Variants in USP15 observed in about 807,000 individuals in gnomAD.
The protein encoded by USP15 is ubiquitin carboxyl-terminal hydrolase 15.
USP15 carries 18 observed loss-of-function variants against 127.1 expected under a neutral mutation model. That is an observed-to-expected ratio of 0.14 (90% CI 0.10 to 0.21). The LOEUF (loss-of-function observed/expected upper bound fraction) is 0.21, where lower values mean the gene tolerates loss of function less well. Ranked by LOEUF, USP15 falls within the 10% of genes least tolerant of loss-of-function variation. USP15 has a pLI of 1.00. For synonymous variants in USP15, 364 were observed against 393.7 expected, an observed-to-expected ratio of 0.92 and a Z score of 0.89; for missense variants, 805 against 1,159.9, an observed-to-expected ratio of 0.69 and a Z score of 4.44.
At chr12:62,269,270 G>A (rs1201189397) in intron 1 of USP15, among the ~76,000 whole-genome samples, 1 of 151,852 alleles carries the variant, frequency 6.6e-6, no homozygotes, top group African/African-American at 2.4e-5. Context: ...AAAAAAACCT[G>A]TACAACATGT....
At chr12:62,300,130 A>G (rs2064264643) in intron 2 of USP15, among the ~76,000 whole-genome samples, 1 of 151,996 alleles carries the variant, frequency 6.6e-6, no homozygotes, top group Non-Finnish European at 1.5e-5. Context: ...TGACCTTTGA[A>G]GCACAAAAGT....
intron 7 of USP15, among the ~76,000 whole-genome samples, chr12:62,351,544 G>C (rs1291831180): frequency 2.0e-5 from 3 of 151,844 alleles, no homozygotes; most frequent in Non-Finnish European, 4.4e-5. Context: ...TACCATATTG[G>C]TATGAGTGGT....
chr12:62,368,900 C>T (rs954920787), intron 8 of USP15, among the ~76,000 whole-genome samples: 5 of 152,116 alleles, frequency 3.3e-5, no homozygotes, highest in African/African-American at 1.2e-4. Context: ...TTCATAGTGT[C>T]AATGGTCTTT....
rs2067898470 is a variant in USP15, at chr12:62,407,246, C to T, written c.*2871C>T. ...ATCCCCATTTTTCATATGAAGAAACCAAGATACAAAGCATTTAAGTAATAT... is the reference window on the plus strand; with the variant it reads ...ATCCCCATTTTTCATATGAAGAAACTAAGATACAAAGCATTTAAGTAATAT... On this transcript the variant is annotated 3_prime_UTR_variant, in exon 22 of 22. Coordinates refer to ENST00000280377, the MANE Select transcript of USP15 (RefSeq NM_001252078.2). The T allele has an allele frequency of 6.6e-6, 1 of 152,080 alleles. No homozygotes were observed. Among genetic ancestry groups the T allele is most frequent in the Non-Finnish European group, 1.5e-5 (1 of 68,012 alleles). The allele number at this position is 152,080 out of a possible 1,614,324, so 9.4% of individuals were successfully genotyped here. A position where few individuals can be genotyped will look rare whatever the true frequency, so the allele number is the denominator to read the frequency against.
At chr12:62,385,295 T>G (rs930287458) in intron 11 of USP15, among the ~76,000 whole-genome samples, 5 of 151,914 alleles carry the variant, frequency 3.3e-5, no homozygotes, top group South Asian at 2.1e-4. Flanking sequence ...TTCTGTAAAT[T>G]TTTAGCCAAA....
At position 62,349,100 on chromosome 12, in the gene USP15, C is replaced by G. The variant is rs903320825; in HGVS notation, c.684-121C>G. The G allele has an allele frequency of 1.5e-5, 8 of 532,106 alleles. No homozygotes were observed. The African/African-American group carries it at 1.6e-4, about 10-fold the overall frequency. The allele number at this position is 532,106 out of a possible 1,614,324, so 33.0% of individuals were successfully genotyped here. On this transcript the variant is annotated intron_variant, in intron 6 of 21. Coordinates refer to ENST00000280377, the MANE Select transcript of USP15 (RefSeq NM_001252078.2). ...AAACCAAAGGATAATAGTGATTTTG[C>G]TCATAAATCTATTTTTCAGCATTCA...
chr12:62,382,275 A>G (rs1474842487), intron 9 of USP15, among the ~76,000 whole-genome samples: 1 of 151,486 alleles, frequency 6.6e-6, no homozygotes, highest in African/African-American at 2.4e-5. Flanking sequence ...TATGGCTGAA[A>G]TTTAGCTTTA....
chr12:62,342,872 C>G lies in USP15; in HGVS notation c.684-6349C>G, dbSNP rs894475252. 7.9e-5 allele frequency among the ~76,000 whole-genome samples: 12 copies of G among 152,168 alleles called. 1 individual carries two copies. The highest frequency in any genetic ancestry group is 5.9e-4 in the Admixed American group (9 of 15,286). ...GGAGGTCTCTCCCAGGCAGGAGACA[C>G]GGGATCAGGGACCCACTTGAGGAGG... is the stretch of plus-strand genomic sequence containing the variant. On this transcript the variant is annotated intron_variant, in intron 6 of 21. Transcript: ENST00000280377.
At chr12:62,330,894 C>T (rs1592602960) in intron 6 of USP15, among the ~76,000 whole-genome samples, 1 of 147,530 alleles carries the variant, frequency 6.8e-6, no homozygotes, top group African/African-American at 2.5e-5. Context: ...CAACTGCACT[C>T]TAGCCTGTGC....
At chr12:62,385,388 G>A (rs1458268737) in intron 11 of USP15, among the ~76,000 whole-genome samples, 1 of 151,924 alleles carries the variant, frequency 6.6e-6, no homozygotes, top group Admixed American at 6.6e-5. Context: ...ACCATTCAGG[G>A]ATGTATTTGG....
intron 6 of USP15, chr12:62,328,311 C>T (rs1435096781): frequency 2.2e-6 from 1 of 453,780 alleles, no homozygotes; most frequent in Non-Finnish European, 4.4e-6. Context: ...GCCATATGGT[C>T]TCTGTCATAA....
At chr12:62,274,971 G>A (rs562583028) in intron 1 of USP15, among the ~76,000 whole-genome samples, 1 of 152,214 alleles carries the variant, frequency 6.6e-6, no homozygotes, top group South Asian at 2.1e-4. Flanking sequence ...AAGGGGAGCT[G>A]CAGAACTAAA....
In USP15 at chr12:62,262,488, T is replaced by C. The variant is rs535741696; in HGVS notation, c.89+1985T>C. On this transcript the variant is annotated intron_variant, in intron 1 of 21. Transcript: ENST00000280377. ...TCTATAAGTTAAAATATAAGTGTTA[T>C]TGTCTCTCATTAATGTCACGTTTTT... Among the ~76,000 whole-genome samples the C allele has an allele frequency of 2.2e-3, 335 of 152,316 alleles. 2 individuals carry two copies. The highest frequency in any genetic ancestry group is 7.7e-3 in the African/African-American group (322 of 41,568).
intron 3 of USP15, among the ~76,000 whole-genome samples, chr12:62,313,776 A>C (rs1488730723): frequency 4.0e-5 from 6 of 151,784 alleles, no homozygotes; most frequent in Non-Finnish European, 8.9e-5. Context: ...GATTAAGAAA[A>C]TATATATGAC....
At chr12:62,317,067 TTGAA>T (rs2064849305) in intron 4 of USP15, among the ~76,000 whole-genome samples, 1 of 152,078 alleles carries the variant, frequency 6.6e-6, no homozygotes, top group African/African-American at 2.4e-5. Flanking sequence ...GTAAAGAAAA[TTGAA>T]TGGGAGATAT....
intron 3 of USP15, chr12:62,304,817 G>A (rs1350627176): frequency 3.4e-6 from 1 of 296,030 alleles, no homozygotes; most frequent in African/African-American, 2.3e-5. Context: ...TAGAATAGTG[G>A]GCTTATTATG....
chr12:62,325,915 G>A lies in USP15; in HGVS notation c.665G>A (p.Arg222Lys). Residue 222 changes from arginine (R) to lysine (K), a missense_variant, in exon 6 of 22, where the codon AGG (arginine) becomes AAG (lysine). Physicochemically the swap from Arg to Lys is conservative, Grantham distance 26. Coordinates refer to ENST00000280377, the MANE Select transcript of USP15 (RefSeq NM_001252078.2). The stretch of plus-strand genomic sequence containing the variant: ...AAAAATGAAGATGGAACATGGCCAA[G>A]GGGTCCTTCTACTCCTAAGTAAGTG... ...EQKNEDGTWP[R>K]GPSTPKSPGA... 1 of 1,610,130 alleles carries A rather than the reference G, an allele frequency of 6.2e-7. No homozygotes were observed. Among genetic ancestry groups the A allele is most frequent in the South Asian group, 1.1e-5 (1 of 90,674 alleles).
chr12:62,380,168 A>T (rs1377673923), intron 8 of USP15, among the ~76,000 whole-genome samples: 1 of 151,968 alleles, frequency 6.6e-6, no homozygotes. Context: ...TATTATAACC[A>T]GTTGTCCCTT....
intron 1 of USP15, among the ~76,000 whole-genome samples, chr12:62,287,307 C>T (rs1316540948): frequency 6.6e-6 from 1 of 151,990 alleles, no homozygotes; most frequent in Non-Finnish European, 1.5e-5. Context: ...ATATGTACCC[C>T]CTGAATCTAA....
Sources: gnomAD v4.1 joint callset for allele counts (sites outside exome capture counted in the v4.1 genomes callset) on GRCh38, gnomAD v4.1.1 for gene constraint, MANE v1.5 for transcripts, NCBI Gene and HGNC (gene_info 2026-07-23, HGNC 2026-07-21) for gene names.